SGCD: variants seen among roughly 807,000 people sequenced by gnomAD.
The protein encoded by SGCD is sarcoglycan delta.
A neutral mutation model predicts 36.6 loss-of-function variants in SGCD; 18 were observed. That is an observed-to-expected ratio of 0.49 (90% CI 0.34 to 0.73). The LOEUF (loss-of-function observed/expected upper bound fraction) is 0.73, where lower values mean the gene tolerates loss of function less well. Among genes scored for constraint, SGCD ranks in the 30% least tolerant of loss-of-function variants. The probability of loss-of-function intolerance (pLI) is 0.01; values close to 1 mark genes in which losing one functional copy is unlikely to be tolerated. For missense variants in SGCD, 387 were observed against 346.7 expected (o/e 1.12, Z -0.92); for synonymous variants, 133 against 130.6 (o/e 1.02, Z -0.12).
chr5:156,473,985 G>C (rs1314608923), intron 3 of SGCD, among the ~76,000 whole-genome samples: 1 of 149,818 alleles, frequency 6.7e-6, no homozygotes, highest in Non-Finnish European at 1.5e-5. Flanking sequence ...TTTTTTTCTG[G>C]ACACTGTTAG....
intron 1 of SGCD, among the ~76,000 whole-genome samples, chr5:155,972,556 A>G (rs546708466): frequency 4.6e-5 from 7 of 152,268 alleles, no homozygotes; most frequent in Admixed American, 4.6e-4. Context: ...TGTGTTAGTA[A>G]ATGTTCATGA....
chr5:156,032,933 C>A (rs1488691148), intron 1 of SGCD, among the ~76,000 whole-genome samples: 1 of 151,346 alleles, frequency 6.6e-6, no homozygotes, highest in Non-Finnish European at 1.5e-5. Context: ...AAACATTAGC[C>A]AGGTATAGTG....
chr5:155,916,596 A>T (rs1299476869), intron 1 of SGCD, among the ~76,000 whole-genome samples: 1 of 152,094 alleles, frequency 6.6e-6, no homozygotes, highest in Non-Finnish European at 1.5e-5. Flanking sequence ...TTCCAACCTG[A>T]TTTTGTGTTT....
At chr5:156,509,239 A>G (rs1756833703) in intron 4 of SGCD, among the ~76,000 whole-genome samples, 1 of 152,158 alleles carries the variant, frequency 6.6e-6, no homozygotes, top group Non-Finnish European at 1.5e-5. Flanking sequence ...AGCCTGGACA[A>G]CATAGTGAAA....
At chr5:156,621,126 T>G (rs1310619604) in intron 6 of SGCD, among the ~76,000 whole-genome samples, 1 of 152,208 alleles carries the variant, frequency 6.6e-6, no homozygotes, top group Admixed American at 6.5e-5. Flanking sequence ...GGCCAGCTGC[T>G]GTGTTGACCA....
Position 156,534,347 on chromosome 5 carries a change from A to AT in SGCD, c.294+25651dup, listed in dbSNP as rs891945799. 9.2e-5 allele frequency among the ~76,000 whole-genome samples: 14 copies of AT among 152,038 alleles called. 1 individual carries two copies. The highest frequency in any genetic ancestry group is 1.9e-4 in the East Asian group (1 of 5,174). On this transcript the variant is annotated intron_variant, in intron 4 of 8. Coordinates refer to ENST00000337851, the MANE Select transcript of SGCD (RefSeq NM_000337.6). ...GCCTCTACGGCTTGCCCTAGCCAAGATTTTTTGCCATTTCCTAATCTACCC... is the reference window on the plus strand; with the variant it reads ...GCCTCTACGGCTTGCCCTAGCCAAGATTTTTTTGCCATTTCCTAATCTACCC...
At chr5:156,221,670 TG>T (rs1764719348) in intron 3 of SGCD, among the ~76,000 whole-genome samples, 1 of 152,116 alleles carries the variant, frequency 6.6e-6, no homozygotes, top group Non-Finnish European at 1.5e-5. Context: ...TCATTATTAT[TG>T]GAGATTTGTT....
At chr5:156,305,532 C>A (rs904025764) in intron 3 of SGCD, among the ~76,000 whole-genome samples, 1 of 152,128 alleles carries the variant, frequency 6.6e-6, no homozygotes, top group Non-Finnish European at 1.5e-5. Context: ...GAGTGGGGCC[C>A]TCATGGAGAA....
At chr5:155,820,422 G>A in the SGCD span, among the ~76,000 whole-genome samples, 29 of 152,050 alleles carry the variant, frequency 1.9e-4, no homozygotes, top group Admixed American at 1.9e-3. Context: ...CACTTTGGGA[G>A]GCCAAGAGGG....
At chr5:156,423,350 ATTTTAT>A (rs1561685788) in intron 3 of SGCD, among the ~76,000 whole-genome samples, 509 of 7,602 alleles carry the variant, frequency 0.067, 9 homozygotes, top group African/African-American at 0.14. Context: ...ATATATTATA[ATTTTAT>A]TATAATATAT....
intron 1 of SGCD, among the ~76,000 whole-genome samples, chr5:156,020,506 G>GT (rs35598606): frequency 2.0e-5 from 3 of 151,348 alleles, no homozygotes; most frequent in Admixed American, 6.6e-5. Flanking sequence ...GTTGTCCCTA[G>GT]TTTTTTTTTA....
At chr5:156,251,624 C>T (rs1215486185) in intron 3 of SGCD, among the ~76,000 whole-genome samples, 4 of 151,852 alleles carry the variant, frequency 2.6e-5, no homozygotes, top group Non-Finnish European at 4.4e-5. Context: ...AAGCCATTCT[C>T]CTGCCTCAGC....
At chr5:156,484,979 A>G (rs1755591731) in intron 3 of SGCD, among the ~76,000 whole-genome samples, 1 of 152,242 alleles carries the variant, frequency 6.6e-6, no homozygotes, top group Non-Finnish European at 1.5e-5. Context: ...CCAGTAAAGT[A>G]AATGAGGAAT....
intron 3 of SGCD, among the ~76,000 whole-genome samples, chr5:156,403,087 C>T (rs1187966103): frequency 5.9e-5 from 9 of 152,132 alleles, no homozygotes; most frequent in African/African-American, 9.7e-5. Flanking sequence ...TTGACTACTT[C>T]GGGGCCACAT....
Position 155,930,016 on chromosome 5 carries a change from T to C in SGCD, c.-282+59592T>C, listed in dbSNP as rs927568239. On this transcript the variant is annotated intron_variant, in intron 1 of 9. Transcript: ENST00000517913. ...GGTCCTACAGATTGAACTCCCTGCT[T>C]TTCTGTGCTGAGTAGGATTTTGCTT... Among the ~76,000 whole-genome samples the C allele has an allele frequency of 7.2e-5, 11 of 152,162 alleles. No individual in the cohort carries two copies. In the South Asian group the frequency reaches 1.2e-3, roughly 17 times the overall value.
intron 6 of SGCD, among the ~76,000 whole-genome samples, chr5:156,628,816 A>AT (rs1407882850): frequency 1.3e-5 from 2 of 152,236 alleles, no homozygotes; most frequent in Non-Finnish European, 2.9e-5. Context: ...GAACCACAGG[A>AT]TACCTTCCTG....
intron 1 of SGCD, among the ~76,000 whole-genome samples, chr5:155,998,622 CTT>C (rs1758602755): frequency 6.6e-6 from 1 of 152,138 alleles, no homozygotes; most frequent in Non-Finnish European, 1.5e-5. Flanking sequence ...TCTTGTCAAC[CTT>C]AAATTGTAGG....
At chr5:156,572,038 G>A (rs1365012296) in intron 4 of SGCD, among the ~76,000 whole-genome samples, 2 of 152,174 alleles carry the variant, frequency 1.3e-5, no homozygotes, top group African/African-American at 2.4e-5. Context: ...TTGACTTAGT[G>A]TAATGTTTGC....
At chr5:156,624,851 A>G (rs917440608) in intron 6 of SGCD, among the ~76,000 whole-genome samples, 4 of 152,188 alleles carry the variant, frequency 2.6e-5, no homozygotes, top group African/African-American at 9.7e-5. Context: ...GCTACCACAG[A>G]TTGCAAATAG....
Sources: allele counts gnomAD v4.1 joint callset (sites outside exome capture counted in the v4.1 genomes callset), GRCh38; gene constraint gnomAD v4.1.1; transcripts MANE v1.5; gene names NCBI Gene and HGNC (gene_info 2026-07-23, HGNC 2026-07-21).